PDE1C: variants seen among roughly 807,000 people sequenced by gnomAD.
PDE1C encodes phosphodiesterase 1C.
In PDE1C, 62 loss-of-function variants were observed where a neutral mutation model predicts 93.1. The ratio of observed to expected loss-of-function variants is 0.67; its 90% CI spans 0.54 to 0.82. PDE1C has a LOEUF of 0.82. PDE1C is among the 40% of genes least tolerant of loss of function. PDE1C has a pLI of 0.00. For missense variants in PDE1C, 742 were observed against 884.6 expected, an observed-to-expected ratio of 0.84 and a Z score of 2.04; for synonymous variants, 325 against 310.1, an observed-to-expected ratio of 1.05 and a Z score of -0.50.
the PDE1C span, among the ~76,000 whole-genome samples, chr7:31,645,828 G>C: frequency 3.1e-4 from 47 of 152,194 alleles, no homozygotes; most frequent in Middle Eastern, 3.4e-3. Context: ...AAAATACAGA[G>C]AACAGCCACC....
chr7:32,374,178 GAAAGA>G (rs200403867), intron 1 of PDE1C, among the ~76,000 whole-genome samples: 44 of 123,772 alleles, frequency 3.6e-4, no homozygotes, highest in East Asian at 8.7e-4. Context: ...AAGAAAGAAA[GAAAGA>G]AAGAAAGAAA....
chr7:32,173,408 C>A (rs1345208577), intron 2 of PDE1C, among the ~76,000 whole-genome samples: 1 of 151,884 alleles, frequency 6.6e-6, no homozygotes, highest in Non-Finnish European at 1.5e-5. Flanking sequence ...TCAATATGTG[C>A]AGCAAACCAC....
At chr7:32,067,061 G>A (rs537403177) in intron 1 of PDE1C, among the ~76,000 whole-genome samples, 6 of 152,292 alleles carry the variant, frequency 3.9e-5, no homozygotes, top group Admixed American at 1.3e-4. Context: ...GCAGAACCTC[G>A]CTCAAGGGGC....
chr7:31,644,855 C>G, the PDE1C span, among the ~76,000 whole-genome samples: 1 of 152,118 alleles, frequency 6.6e-6, no homozygotes, highest in East Asian at 1.9e-4. Flanking sequence ...CTATTCAGAG[C>G]GGGGTGAAGT....
intron 3 of PDE1C, among the ~76,000 whole-genome samples, chr7:32,080,582 A>G (rs553075591): frequency 6.6e-6 from 1 of 152,316 alleles, no homozygotes; most frequent in Admixed American, 6.5e-5. Flanking sequence ...CCTTTCAGCT[A>G]TCTGGCGGAG....
At chr7:31,754,427 C>A (rs1218494587) in intron 17 of PDE1C, among the ~76,000 whole-genome samples, 1 of 152,100 alleles carries the variant, frequency 6.6e-6, no homozygotes, top group African/African-American at 2.4e-5. Flanking sequence ...ACATAAAAAC[C>A]CACACATGAA....
chr7:32,092,867 C>T (rs1358334885), intron 3 of PDE1C, among the ~76,000 whole-genome samples: 2 of 130,682 alleles, frequency 1.5e-5, no homozygotes, highest in Non-Finnish European at 3.2e-5. Flanking sequence ...GTTGTGAATT[C>T]AGCATTATTA....
intron 16 of PDE1C, among the ~76,000 whole-genome samples, chr7:31,794,118 GGGCA>G (rs1173939926): frequency 1.0e-4 from 14 of 135,000 alleles, no homozygotes; most frequent in African/African-American, 2.0e-4. Context: ...ATGGGCAGGC[GGGCA>G]GGCAGGCAGG....
At chr7:31,875,042 C>T (rs1796369885) in intron 5 of PDE1C, among the ~76,000 whole-genome samples, 1 of 152,142 alleles carries the variant, frequency 6.6e-6, no homozygotes, top group Non-Finnish European at 1.5e-5. Flanking sequence ...CTTTAATATC[C>T]CACTAGGGCG....
chr7:32,370,175 C>T (rs572964184), intron 1 of PDE1C, among the ~76,000 whole-genome samples: 2 of 152,222 alleles, frequency 1.3e-5, no homozygotes, highest in East Asian at 1.9e-4. Context: ...TTCTGCCGGG[C>T]GCAGTGGCTC....
the PDE1C span, among the ~76,000 whole-genome samples, chr7:31,745,265 G>A: frequency 6.6e-6 from 1 of 152,176 alleles, no homozygotes; most frequent in Non-Finnish European, 1.5e-5. Flanking sequence ...AGTGGGAGAT[G>A]AAGAGTGGTA....
the PDE1C span, among the ~76,000 whole-genome samples, chr7:31,629,999 C>T: frequency 6.6e-6 from 1 of 151,856 alleles, no homozygotes; most frequent in South Asian, 2.1e-4. Flanking sequence ...AACACACACA[C>T]ACAAAATTGC....
chr7:31,621,044 G>T, the PDE1C span, among the ~76,000 whole-genome samples: 1 of 151,676 alleles, frequency 6.6e-6, no homozygotes, highest in African/African-American at 2.4e-5. Flanking sequence ...AAGCAAGAAG[G>T]GAAGTTTAGA....
chr7:31,732,641 TGTGTGTG>T, the PDE1C span, among the ~76,000 whole-genome samples: 5 of 18,288 alleles, frequency 2.7e-4, no homozygotes, highest in African/African-American at 4.1e-4. Context: ...TCTCTTTCTG[TGTGTGTG>T]TGTGTGTGTG....
chr7:32,380,042 CT>C (rs1328633279), intron 1 of PDE1C, among the ~76,000 whole-genome samples: 2 of 152,156 alleles, frequency 1.3e-5, no homozygotes, highest in Non-Finnish European at 2.9e-5. Flanking sequence ...AGTTTTCCCC[CT>C]ATCTATTGGA....
the PDE1C span, among the ~76,000 whole-genome samples, chr7:31,682,655 A>G: frequency 6.6e-6 from 1 of 152,220 alleles, no homozygotes; most frequent in Non-Finnish European, 1.5e-5. Flanking sequence ...ACTTATGTGC[A>G]CACCAAAAGA....
Position 31,873,339 on chromosome 7 carries a change from TA to T in PDE1C, c.561del (p.Phe187LeufsTer12). The T allele has an allele frequency of 6.2e-7, 1 of 1,613,706 alleles. No homozygotes were observed. The highest frequency in any genetic ancestry group is 8.5e-7 in the Non-Finnish European group (1 of 1,179,754). On this transcript the variant is annotated frameshift_variant, in exon 6 of 18. Coordinates refer to ENST00000396191, the MANE Select transcript of PDE1C (RefSeq NM_001191057.4). LOFTEE classifies it high-confidence loss of function. ...NEASGDHALKFIFYELLTRYD... is the reference protein window; with the variant it reads ...NEASGDHALKXIFYELLTRYD... ...TAACGTGTGAGTAGTTCATAGAAAA[TA>T]AATTTCAGTGCATGATCCCCACTGG... is the stretch of plus-strand genomic sequence containing the variant.
intron 14 of PDE1C, among the ~76,000 whole-genome samples, chr7:31,822,371 C>T (rs1169810097): frequency 6.6e-6 from 1 of 152,052 alleles, no homozygotes; most frequent in Non-Finnish European, 1.5e-5. Context: ...GCATCTCTCC[C>T]TAGTATGATA....
chr7:32,254,149 G>T (rs1402762704), intron 1 of PDE1C, among the ~76,000 whole-genome samples: 2 of 152,194 alleles, frequency 1.3e-5, no homozygotes, highest in African/African-American at 2.4e-5. Context: ...GTACATTTGA[G>T]GACAGGTTAT....
Sources: allele counts gnomAD v4.1 joint callset (sites outside exome capture counted in the v4.1 genomes callset), GRCh38; gene constraint gnomAD v4.1.1; transcripts MANE v1.5; gene names NCBI Gene and HGNC (gene_info 2026-07-23, HGNC 2026-07-21).